Variants in JAK3 observed in about 807,000 individuals in gnomAD.
JAK3 encodes Janus kinase 3, also known as tyrosine-protein kinase JAK3.
In JAK3, 88 loss-of-function variants were observed where a neutral mutation model predicts 120.8. The observed-to-expected ratio is 0.73, with a 90% CI of 0.61 to 0.87. The LOEUF is 0.87. Ranked by LOEUF, JAK3 falls within the 40% of genes least tolerant of loss-of-function variation. JAK3 has a pLI of 0.00. For missense variants in JAK3, 1,254 were observed against 1,501.4 expected (o/e 0.84, Z 2.72); for synonymous variants, 592 against 628.6 (o/e 0.94, Z 0.87).
chr19:17,836,340 T>C (rs1209884445), intron 13 of JAK3, among the ~76,000 whole-genome samples: 1 of 152,230 alleles, frequency 6.6e-6, no homozygotes, highest in Non-Finnish European at 1.5e-5. Flanking sequence ...TGGAGTGCAG[T>C]GGTGCGATCT....
chr19:17,830,178 GCGGGGA>G lies in JAK3; in HGVS notation c.3131_3136del (p.Val1044_Pro1045del), dbSNP rs771528731. 1 of 1,594,202 alleles carries G rather than the reference GCGGGGA, an allele frequency of 6.3e-7. No homozygotes were observed. The highest frequency in any genetic ancestry group is 8.5e-7 in the Non-Finnish European group (1 of 1,171,678). On this transcript the variant is annotated inframe_deletion, in exon 23 of 24. Coordinates refer to ENST00000458235, the MANE Select transcript of JAK3 (RefSeq NM_000215.4). Reference sequence around the variant, plus strand: ...CAGCAGTTCCAAGAGGCGGCAGAGGGCGGGGACATCCCGCTCACATCCCATCATCCG... The same window carrying G: ...CAGCAGTTCCAAGAGGCGGCAGAGGGCATCCCGCTCACATCCCATCATCCG...
rs749764812 is a variant in JAK3, at chr19:17,838,393, A to G, written c.1442-3T>C. On this transcript the variant is annotated splice_region_variant and splice_polypyrimidine_tract_variant and intron_variant, in intron 10 of 23. Coordinates refer to ENST00000458235, the MANE Select transcript of JAK3 (RefSeq NM_000215.4). ...GACCACGATCAGGTTGGACTTTTCT[A>G]TGGGGAGAGGATGAGGGAGAAAAAC... 8.7e-6 allele frequency: 14 copies of G among 1,614,092 alleles called. No homozygotes were observed. The East Asian group carries it at 8.9e-5, about 10-fold the overall frequency.
intron 17 of JAK3, among the ~76,000 whole-genome samples, 192 bp downstream of exon 17, chr19:17,834,379 T>A (rs987822246): frequency 3.3e-5 from 5 of 151,946 alleles, no homozygotes; most frequent in African/African-American, 1.2e-4. Flanking sequence ...AAATAAAATA[T>A]CATCATGTTG....
chr19:17,841,569 C>A lies in JAK3; in HGVS notation c.985-23G>T. ...CTCCTGCGAGGGACAAGCGTCAGAG[C>A]CCAGTGAAACCCGAGGGTGCCGGTC... On this transcript the variant is annotated intron_variant, in intron 7 of 23. Coordinates refer to ENST00000458235, the MANE Select transcript of JAK3 (RefSeq NM_000215.4). The surrounding 1 kb of genome is among the most constrained non-coding windows in gnomAD (Gnocchi z 4.1). 6.2e-7 allele frequency: 1 copy of A among 1,603,816 alleles called. No homozygotes were observed.
In JAK3 at chr19:17,842,199, C is replaced by G; in HGVS notation, c.861+117G>C. The G allele has an allele frequency of 4.3e-6, 5 of 1,152,006 alleles. No homozygotes were observed. The highest frequency in any genetic ancestry group is 5.9e-6 in the Non-Finnish European group (5 of 841,372). The allele number at this position is 1,152,006 out of a possible 1,614,324, so 71.4% of individuals were successfully genotyped here. ...CTAAGCCCCGCCCCTCATTAAGCCT[C>G]GCCCACTTCCCCAAGTCTTTCGTTT... On this transcript the variant is annotated intron_variant, in intron 6 of 23. Coordinates refer to ENST00000458235, the MANE Select transcript of JAK3 (RefSeq NM_000215.4). This position sits in a 1 kb window ranked among gnomAD's most constrained non-coding sequence, Gnocchi z 6.4.
rs1173420081 is a variant in JAK3 at position 17,832,254 on chromosome 19, CTG to C, written c.2680+263_2680+264del. ...CCAGCCTGGGTGACAGAGCGAGACTCTGTCTCAAAAAAACAAACAAACAACAA... is the reference window on the plus strand; with the variant it reads ...CCAGCCTGGGTGACAGAGCGAGACTCTCTCAAAAAAACAAACAAACAACAA... On this transcript the variant is annotated intron_variant, in intron 19 of 23. Transcript: ENST00000458235. This position sits in a 1 kb window ranked among gnomAD's most constrained non-coding sequence, Gnocchi z 4.7. Among the ~76,000 whole-genome samples the C allele has an allele frequency of 6.6e-6, 1 of 152,084 alleles. No individual in the cohort carries two copies. The highest frequency in any genetic ancestry group is 1.5e-5 in the Non-Finnish European group (1 of 68,016).
At chr19:17,845,687 T>C (rs2094250542) in intron 1 of JAK3, among the ~76,000 whole-genome samples, 1 of 152,104 alleles carries the variant, frequency 6.6e-6, no homozygotes, top group African/African-American at 2.4e-5. Context: ...AAGTTGAGGC[T>C]GCATTGAGCT....
chr19:17,843,818 G>A lies in JAK3; in HGVS notation c.267C>T (p.Ser89=), dbSNP rs754716735. 9.9e-6 allele frequency: 16 copies of A among 1,613,782 alleles called. No homozygotes were observed. Among genetic ancestry groups the A allele is most frequent in the South Asian group, 2.2e-5 (2 of 91,080 alleles). Residue 89 remains serine (S), a synonymous_variant, in exon 3 of 24, where the codon TCC becomes TCT. Coordinates refer to ENST00000458235, the MANE Select transcript of JAK3 (RefSeq NM_000215.4). This position sits in a 1 kb window ranked among gnomAD's most constrained non-coding sequence, Gnocchi z 5.4. ...SCWFPPSHIF[S]VEDASTQVLL... is the part of the protein sequence containing the mutation. The stretch of plus-strand genomic sequence containing the variant: ...GGACTTGGGTGCTGGCATCCTCCAC[G>A]GAGAAGATGTGGCTCGGGGGGAACC...
chr19:17,840,401 C>A, intron 8 of JAK3, 60 bp from the exon 9 acceptor site: 1 of 1,164,772 alleles, frequency 8.6e-7, no homozygotes, highest in Non-Finnish European at 1.3e-6. Context: ...ACAGAGAGAC[C>A]TGGGCTCAAA....
intron 23 of JAK3, 82 bp downstream of exon 23, chr19:17,830,026 A>G: frequency 1.0e-6 from 1 of 975,514 alleles, no homozygotes; most frequent in Non-Finnish European, 1.6e-6. Context: ...CTCAGTACAG[A>G]GACTCAGGCG....
rs367740143 is a variant in JAK3, at chr19:17,835,240, T to C, written c.1915-25A>G. On this transcript the variant is annotated intron_variant, in intron 14 of 23. Coordinates refer to ENST00000458235, the MANE Select transcript of JAK3 (RefSeq NM_000215.4). ...CCTAAGGGGGCCAGACACAGGAAAATGCCCGGGAGGGTTTGATGAATGAAG... is the reference window on the plus strand; with the variant it reads ...CCTAAGGGGGCCAGACACAGGAAAACGCCCGGGAGGGTTTGATGAATGAAG... The C allele has an allele frequency of 6.1e-5, 98 of 1,611,492 alleles. No homozygotes were observed. In the African/African-American group the frequency reaches 1.2e-3, roughly 20 times the overall value.
intron 23 of JAK3, among the ~76,000 whole-genome samples, chr19:17,829,123 G>C (rs1330168963): frequency 6.6e-6 from 1 of 150,474 alleles, no homozygotes; most frequent in Non-Finnish European, 1.5e-5. Flanking sequence ...GCGAGACCTT[G>C]TCTCTTAAAA....
chr19:17,825,284 G>A lies in JAK3; in HGVS notation c.*1459C>T, dbSNP rs1459947067. 8.7e-6 allele frequency: 2 copies of A among 228,938 alleles called. No individual in the cohort carries two copies. The highest frequency in any genetic ancestry group is 1.7e-5 in the Non-Finnish European group (2 of 115,502). The allele number at this position is 228,938 out of a possible 1,614,324, so 14.2% of individuals were successfully genotyped here. A position where few individuals can be genotyped will look rare whatever the true frequency, so the allele number is the denominator to read the frequency against. On this transcript the variant is annotated 3_prime_UTR_variant, in exon 24 of 24. Transcript: ENST00000458235. ...CTTACTCTGAGCCTTCTCACGCTTG[G>A]CATGCTGTTCCCTCTGCCAGGAATG...
intron 17 of JAK3, among the ~76,000 whole-genome samples, chr19:17,833,546 A>G (rs1218217531): frequency 4.8e-5 from 7 of 146,530 alleles, no homozygotes; most frequent in Non-Finnish European, 1.0e-4. Flanking sequence ...ATCACAGAAA[A>G]AAAAAAAAAA....
Position 17,825,214 on chromosome 19 carries a change from G to T in JAK3, c.*1529C>A. 4.4e-6 allele frequency: 1 copy of T among 229,660 alleles called. No individual in the cohort carries two copies. 14.2% of individuals were successfully genotyped at this position (229,660 alleles called of 1,614,324 possible). A position where few individuals can be genotyped will look rare whatever the true frequency, so the allele number is the denominator to read the frequency against. On this transcript the variant is annotated 3_prime_UTR_variant, in exon 24 of 24. Transcript: ENST00000458235. ...GAACTTGCCCACTGTCACACTGCAT[G>T]GAAGGGGCAAAACTGTAGGCTCCAA...
At position 17,825,201 on chromosome 19, in the gene JAK3, T is replaced by C; in HGVS notation, c.*1542A>G. ...CAGAGAGGGAAAGGAACTTGCCCACTGTCACACTGCATGGAAGGGGCAAAA... is the reference window on the plus strand; with the variant it reads ...CAGAGAGGGAAAGGAACTTGCCCACCGTCACACTGCATGGAAGGGGCAAAA... On this transcript the variant is annotated 3_prime_UTR_variant, in exon 24 of 24. Coordinates refer to ENST00000458235, the MANE Select transcript of JAK3 (RefSeq NM_000215.4). 1 of 229,670 alleles carries C rather than the reference T, an allele frequency of 4.4e-6. No homozygotes were observed. The highest frequency in any genetic ancestry group is 8.6e-6 in the Non-Finnish European group (1 of 115,784). The allele number at this position is 229,670 out of a possible 1,614,324, so 14.2% of individuals were successfully genotyped here. A position where few individuals can be genotyped will look rare whatever the true frequency, so the allele number is the denominator to read the frequency against.
At position 17,843,180 on chromosome 19, in the gene JAK3, G is replaced by A. The variant is rs201069302; in HGVS notation, c.421-8C>T. The A allele has an allele frequency of 6.3e-7, 1 of 1,599,604 alleles. No individual in the cohort carries two copies. Among genetic ancestry groups the A allele is most frequent in the Non-Finnish European group, 8.5e-7 (1 of 1,176,532 alleles). On this transcript the variant is annotated splice_region_variant and splice_polypyrimidine_tract_variant and intron_variant, in intron 4 of 23. Transcript: ENST00000458235. The surrounding 1 kb of genome is among the most constrained non-coding windows in gnomAD (Gnocchi z 5.4). Reference sequence around the variant, plus strand: ...CACCAGGTCACTGCGGTGCTGGGGGGCCGCCACAGGGAGCATCAGCTGAGG... The same window carrying A: ...CACCAGGTCACTGCGGTGCTGGGGGACCGCCACAGGGAGCATCAGCTGAGG...
chr19:17,831,620 C>T lies in JAK3; in HGVS notation c.2805+54G>A. The T allele has an allele frequency of 6.3e-7, 1 of 1,579,422 alleles. No homozygotes were observed. On this transcript the variant is annotated intron_variant, in intron 20 of 23. Coordinates refer to ENST00000458235, the MANE Select transcript of JAK3 (RefSeq NM_000215.4). This position sits in a 1 kb window ranked among gnomAD's most constrained non-coding sequence, Gnocchi z 5.1. The stretch of plus-strand genomic sequence containing the variant: ...TTCACCGCGACCTCCAAGCAGACCC[C>T]TGCCCAGGCCGTGCCAGCTGAATCC...
rs906926302 is a variant in JAK3 at position 17,843,305 on chromosome 19, C to T, written c.420+75G>A. The T allele has an allele frequency of 1.3e-6, 2 of 1,519,576 alleles. No individual in the cohort carries two copies. Among genetic ancestry groups the T allele is most frequent in the African/African-American group, 1.4e-5 (1 of 72,434 alleles). 94.1% of individuals were successfully genotyped at this position (1,519,576 alleles called of 1,614,324 possible). A position where few individuals can be genotyped will look rare whatever the true frequency, so the allele number is the denominator to read the frequency against. Reference sequence around the variant, plus strand: ...ACAGGGAGGGTCAGACGAGGCCCCACCTGATTGCATGCCAGTCCTCATGTT... The same window carrying T: ...ACAGGGAGGGTCAGACGAGGCCCCATCTGATTGCATGCCAGTCCTCATGTT... On this transcript the variant is annotated intron_variant, in intron 4 of 23. Transcript: ENST00000458235. The surrounding 1 kb of genome is among the most constrained non-coding windows in gnomAD (Gnocchi z 5.4).
Sources: allele counts gnomAD v4.1 joint callset (sites outside exome capture counted in the v4.1 genomes callset), GRCh38; gene constraint gnomAD v4.1.1; non-coding constraint Gnocchi (gnomAD v3.1); transcripts MANE v1.5; gene names NCBI Gene and HGNC (gene_info 2026-07-23, HGNC 2026-07-21).